The following NUDT9 variants were observed in gnomAD, a reference collection of about 807,000 sequenced individuals.
NUDT9 encodes the protein ADP-ribose pyrophosphatase.
NUDT9 carries 31 observed loss-of-function variants against 41.0 expected under a neutral mutation model. That is an observed-to-expected ratio of 0.76 (90% CI 0.57 to 1.02). The LOEUF is 1.02. Among genes scored for constraint, NUDT9 ranks in the 50% least tolerant of loss-of-function variants. The pLI is 0.00. For synonymous variants in NUDT9, 146 were observed against 147.6 expected, an observed-to-expected ratio of 0.99 and a Z score of 0.08; for missense variants, 380 against 431.4, an observed-to-expected ratio of 0.88 and a Z score of 1.06.
intron 3 of NUDT9, among the ~76,000 whole-genome samples, chr4:87,440,255 A>G (rs185114642): frequency 7.5e-4 from 114 of 152,370 alleles, no homozygotes; most frequent in Non-Finnish European, 1.5e-3. Flanking sequence ...TTTTAAGGCT[A>G]TGCTATAGGA....
At position 87,446,411 on chromosome 4, in the gene NUDT9, A is replaced by G. The variant is rs146445158; in HGVS notation, c.531-2731A>G. Among the ~76,000 whole-genome samples the G allele has an allele frequency of 2.1e-4, 32 of 151,694 alleles. No homozygotes were observed. The East Asian group carries it at 5.8e-3, about 28-fold the overall frequency. On this transcript the variant is annotated intron_variant, in intron 4 of 7. Coordinates refer to ENST00000302174, the MANE Select transcript of NUDT9 (RefSeq NM_024047.5). ...CCACCCCGCCCAGCTAATTTTTTGT[A>G]TTTAGTAGAGACAGGGTTTCACCAT...
rs760527779 is a variant in NUDT9 at position 87,441,855 on chromosome 4, T to A, written c.470T>A (p.Val157Glu). The change falls in exon 4 of 8, where the codon GTG becomes GAG. Residue 157 changes from valine (V) to glutamate (E), a missense_variant. Physicochemically the swap from Val to Glu is moderately radical, Grantham distance 121. Transcript: ENST00000302174. The stretch of plus-strand genomic sequence containing the variant: ...AATCCTGCAGGACGGACTGGACTGG[T>A]GGGCCGGGGGCTTTTGGGGCGATGG... ...PRNPAGRTGL[V>E]GRGLLGRWGP... is the part of the protein sequence containing the mutation. 6.2e-7 allele frequency: 1 copy of A among 1,613,802 alleles called. No individual in the cohort carries two copies.
In NUDT9 at chr4:87,435,176, A is replaced by C. The variant is rs745743294; in HGVS notation, c.303A>C (p.Ala101=). 6.2e-7 allele frequency: 1 copy of C among 1,614,206 alleles called. No homozygotes were observed. The highest frequency in any genetic ancestry group is 2.2e-5 in the East Asian group (1 of 44,890). The part of the protein sequence containing the change: ...WQDYKPVEYT[A]VSVLAGPRWA... Reference sequence around the variant, plus strand: ...ACTATAAGCCTGTGGAATACACTGCAGTCTCTGTCTTGGCTGGACCCAGGT... The same window carrying C: ...ACTATAAGCCTGTGGAATACACTGCCGTCTCTGTCTTGGCTGGACCCAGGT... Residue 101 remains alanine, a synonymous_variant, in exon 2 of 8, where the codon GCA becomes GCC. Coordinates refer to ENST00000302174, the MANE Select transcript of NUDT9 (RefSeq NM_024047.5).
At chr4:87,456,561 A>G (rs1376959913) in intron 7 of NUDT9, among the ~76,000 whole-genome samples, 1 of 152,190 alleles carries the variant, frequency 6.6e-6, no homozygotes. Context: ...ACTAAAATGT[A>G]GGCCCCCTCT....
intron 7 of NUDT9, 137 bp from the exon 8 acceptor site, chr4:87,457,706 A>C: frequency 1.4e-6 from 1 of 695,912 alleles, no homozygotes; most frequent in Non-Finnish European, 2.3e-6. Context: ...CAGGGATGGA[A>C]TGGTCTAGTT....
At chr4:87,442,873 C>T (rs1200120019) in intron 4 of NUDT9, among the ~76,000 whole-genome samples, 2 of 152,152 alleles carry the variant, frequency 1.3e-5, no homozygotes, top group South Asian at 2.1e-4. Flanking sequence ...ATGATAATAA[C>T]GCCTTCCTCT....
At chr4:87,452,524 CA>C (rs1722791664) in intron 6 of NUDT9, among the ~76,000 whole-genome samples, 3 of 151,660 alleles carry the variant, frequency 2.0e-5, no homozygotes, top group Non-Finnish European at 2.9e-5. Flanking sequence ...TGTTATGGCT[CA>C]CTGCAGTTTT....
rs757596812 is a variant in NUDT9, at chr4:87,451,687, A to G, written c.741A>G (p.Arg247=). 6.2e-6 allele frequency: 10 copies of G among 1,613,848 alleles called. No individual in the cohort carries two copies. The highest frequency in any genetic ancestry group is 1.6e-4 in the Middle Eastern group (1 of 6,082). Residue 247 remains arginine, a synonymous_variant, in exon 6 of 8, where the codon AGA becomes AGG. Transcript: ENST00000302174. ...NSLQKTSAEK[R]EIEEKLHKLF... ...TACAGAAAACCAGTGCTGAGAAGAG[A>G]GAAATAGAGGAAAAGTTGCACAAAC...
At chr4:87,438,006 C>G (rs1350493836) in intron 2 of NUDT9, among the ~76,000 whole-genome samples, 1 of 152,054 alleles carries the variant, frequency 6.6e-6, no homozygotes, top group Non-Finnish European at 1.5e-5. Context: ...GGAGCTCTAG[C>G]TCTTCTGCTG....
chr4:87,454,324 T>G (rs781263701), intron 6 of NUDT9, 47 bp from the exon 7 acceptor site: 1 of 1,012,910 alleles, frequency 9.9e-7, no homozygotes, highest in Non-Finnish European at 1.6e-6. Context: ...TCTGCTGTAC[T>G]CACTACACCT....
chr4:87,433,410 T>A (rs369327640), intron 1 of NUDT9, among the ~76,000 whole-genome samples: 1 of 152,218 alleles, frequency 6.6e-6, no homozygotes, highest in East Asian at 1.9e-4. Context: ...GGGTCTGTCT[T>A]GTGTTTCCTA....
intron 1 of NUDT9, 69 bp from the exon 2 acceptor site, chr4:87,434,911 AC>A: frequency 7.3e-7 from 1 of 1,374,334 alleles, no homozygotes; most frequent in Non-Finnish European, 1.0e-6. Context: ...AAGCCACTGC[AC>A]CCGGCCTAGG....
chr4:87,423,086 G>A (rs1052225611), intron 1 of NUDT9, 74 bp downstream of exon 1: 104 of 1,096,496 alleles, frequency 9.5e-5, no homozygotes, highest in Non-Finnish European at 1.3e-4. Flanking sequence ...TTTTTTTTCT[G>A]GCGTATTCTG....
At position 87,458,108 on chromosome 4, in the gene NUDT9, G is replaced by T; in HGVS notation, c.*87G>T. ...TCACAGAATTTATACTATAAAAAGG[G>T]CAGGGTAGGCCACTTGGCCTATTTA... On this transcript the variant is annotated 3_prime_UTR_variant, in exon 8 of 8. Coordinates refer to ENST00000302174, the MANE Select transcript of NUDT9 (RefSeq NM_024047.5). 1 of 1,273,412 alleles carries T rather than the reference G, an allele frequency of 7.9e-7. No homozygotes were observed. Among genetic ancestry groups the T allele is most frequent in the Non-Finnish European group, 1.0e-6 (1 of 966,562 alleles). 78.9% of individuals were successfully genotyped at this position (1,273,412 alleles called of 1,614,324 possible). A position where few individuals can be genotyped will look rare whatever the true frequency, so the allele number is the denominator to read the frequency against.
chr4:87,424,119 T>C (rs1721287840), intron 1 of NUDT9, among the ~76,000 whole-genome samples: 1 of 151,982 alleles, frequency 6.6e-6, no homozygotes. Flanking sequence ...TGCTTGGAGA[T>C]TGGGGAGGGA....
Position 87,435,061 on chromosome 4 carries a change from A to G in NUDT9, c.188A>G (p.Asn63Ser), listed in dbSNP as rs1721863981. 2 of 1,614,200 alleles carry G rather than the reference A, an allele frequency of 1.2e-6. No individual in the cohort carries two copies. The highest frequency in any genetic ancestry group is 1.3e-5 in the African/African-American group (1 of 75,054). The change falls in exon 2 of 8, where the codon AAT (asparagine) becomes AGT (serine). Residue 63 changes from asparagine (N) to serine (S), a missense_variant. Transcript: ENST00000302174. Reference protein sequence around the residue: ...GSNGSKENSHNKARTSPYPGS... With the variant: ...GSNGSKENSHSKARTSPYPGS... ...AATGGTTCCAAAGAAAATTCTCACA[A>G]TAAGGCTCGGACGTCTCCTTACCCA... is the stretch of plus-strand genomic sequence containing the variant.
At chr4:87,424,487 C>G (rs1369559450) in intron 1 of NUDT9, among the ~76,000 whole-genome samples, 1 of 152,084 alleles carries the variant, frequency 6.6e-6, no homozygotes, top group East Asian at 1.9e-4. Flanking sequence ...TGGTCTTGAA[C>G]TCTTGACCTC....
In NUDT9 at chr4:87,443,951, A is replaced by G. The variant is rs540683058; in HGVS notation, c.530+2036A>G. Reference sequence around the variant, plus strand: ...TCTTCCGAGGCAGACCTATGTGGTAAGCCAAATCATATTCAAGTCTCTTGA... The same window carrying G: ...TCTTCCGAGGCAGACCTATGTGGTAGGCCAAATCATATTCAAGTCTCTTGA... On this transcript the variant is annotated intron_variant, in intron 4 of 7. Coordinates refer to ENST00000302174, the MANE Select transcript of NUDT9 (RefSeq NM_024047.5). 2.6e-5 allele frequency among the ~76,000 whole-genome samples: 4 copies of G among 152,330 alleles called. No homozygotes were observed. The South Asian group carries it at 8.3e-4, about 32-fold the overall frequency.
chr4:87,433,743 A>G lies in NUDT9; in HGVS notation c.108-1238A>G, dbSNP rs1721786131. ...CTTTTTAGGCAAGATGAGATATGAA[A>G]AATTTTTGTATATGCTGTGTGGTTA... On this transcript the variant is annotated intron_variant, in intron 1 of 7. Coordinates refer to ENST00000302174, the MANE Select transcript of NUDT9 (RefSeq NM_024047.5). 3.9e-5 allele frequency among the ~76,000 whole-genome samples: 6 copies of G among 152,198 alleles called. No individual in the cohort carries two copies. In the South Asian group the frequency reaches 1.2e-3, roughly 31 times the overall value.
Sources: gnomAD v4.1 joint callset for allele counts (sites outside exome capture counted in the v4.1 genomes callset) on GRCh38, gnomAD v4.1.1 for gene constraint, MANE v1.5 for transcripts, NCBI Gene and HGNC (gene_info 2026-07-23, HGNC 2026-07-21) for gene names.